Variants in EIF2AK2 observed in about 807,000 individuals in gnomAD.
EIF2AK2 encodes the protein eukaryotic translation initiation factor 2 alpha kinase 2, also known as interferon-induced, double-stranded RNA-activated protein kinase.
Under a neutral mutation model 70.5 loss-of-function variants are expected in EIF2AK2, and 40 were observed. That is an observed-to-expected ratio of 0.57 (90% CI 0.44 to 0.74). The LOEUF is 0.74. EIF2AK2 is among the 30% of genes least tolerant of loss of function. EIF2AK2 has a pLI of 0.00. For missense variants in EIF2AK2, 555 were observed against 644.3 expected, an observed-to-expected ratio of 0.86 and a Z score of 1.50; for synonymous variants, 198 against 220.9, an observed-to-expected ratio of 0.90 and a Z score of 0.92.
At chr2:37,147,611 G>C (rs549712074) in intron 3 of EIF2AK2, 77 bp downstream of exon 3, 1 of 953,058 alleles carries the variant, frequency 1.0e-6, no homozygotes, top group South Asian at 1.4e-5. Context: ...ATGGTTTCCA[G>C]CTTCATCCAT....
At position 37,114,845 on chromosome 2, in the gene EIF2AK2, G is replaced by A. The variant is rs374584159; in HGVS notation, c.1263C>T (p.Phe421=). 2 of 1,569,594 alleles carry A rather than the reference G, an allele frequency of 1.3e-6. No individual in the cohort carries two copies. The highest frequency in any genetic ancestry group is 1.2e-5 in the South Asian group (1 of 83,728). The change falls in exon 14 of 17, where the codon TTC becomes TTT. Residue 421 remains phenylalanine (F), a synonymous_variant. Transcript: ENST00000233057. ...IHRDLKPSNI[F]LVDTKQVKIG... is the part of the protein sequence containing the mutation. ...TCTTTACTTGTTTTGTATCTACTAA[G>A]AATATATTACTTGGCTATGAAAAAA...
At chr2:37,110,714 C>T (rs749305678) in intron 14 of EIF2AK2, among the ~76,000 whole-genome samples, 6 of 152,078 alleles carry the variant, frequency 3.9e-5, no homozygotes, top group Admixed American at 1.3e-4. Flanking sequence ...TAATCTTTAA[C>T]GGGCATTTAC....
intron 1 of EIF2AK2, among the ~76,000 whole-genome samples, chr2:37,150,051 A>G (rs1675689189): frequency 6.6e-6 from 1 of 152,124 alleles, no homozygotes; most frequent in Non-Finnish European, 1.5e-5. Context: ...CCTGCTGTGC[A>G]TTCATAGGAG....
chr2:37,129,398 C>T (rs1674863358), intron 10 of EIF2AK2, among the ~76,000 whole-genome samples: 1 of 151,984 alleles, frequency 6.6e-6, no homozygotes, highest in Non-Finnish European at 1.5e-5. Flanking sequence ...GATGGAATGC[C>T]CTCAACAGGG....
At chr2:37,113,394 C>T (rs1337694249) in intron 14 of EIF2AK2, among the ~76,000 whole-genome samples, 1 of 149,498 alleles carries the variant, frequency 6.7e-6, no homozygotes, top group Non-Finnish European at 1.5e-5. Context: ...ACTTGGGAGA[C>T]TGAGGCAGGA....
chr2:37,118,586 T>C (rs968989267), intron 13 of EIF2AK2, among the ~76,000 whole-genome samples: 2 of 152,234 alleles, frequency 1.3e-5, no homozygotes, highest in African/African-American at 4.8e-5. Context: ...ATTTGTTATT[T>C]AACTATATGT....
chr2:37,126,439 G>A, intron 10 of EIF2AK2, 28 bp from the exon 11 acceptor site: 1 of 1,594,318 alleles, frequency 6.3e-7, no homozygotes, highest in Non-Finnish European at 8.5e-7. Context: ...CTGTTATTTT[G>A]ACATTTCATG....
chr2:37,146,148 G>GTATTCAGTACAATAATATGCTGTA (rs1379983513), intron 4 of EIF2AK2, among the ~76,000 whole-genome samples: 2 of 152,098 alleles, frequency 1.3e-5, no homozygotes, highest in Non-Finnish European at 2.9e-5. Flanking sequence ...ATTGGCTACA[G>GTATTCAGTACAATAATATGCTGTA]TATTCAGTAC....
chr2:37,152,757 C>G (rs1197099617), intron 1 of EIF2AK2, among the ~76,000 whole-genome samples: 2 of 152,216 alleles, frequency 1.3e-5, no homozygotes, highest in South Asian at 2.1e-4. Context: ...ATGAACCGCT[C>G]TGAGTTTCAG....
chr2:37,138,205 T>C, intron 8 of EIF2AK2, 65 bp downstream of exon 8: 10 of 1,294,800 alleles, frequency 7.7e-6, no homozygotes, highest in Non-Finnish European at 1.1e-5. Context: ...CTGGAAGTTA[T>C]TTTTAAATGA....
intron 13 of EIF2AK2, 64 bp from the exon 14 acceptor site, chr2:37,114,923 T>C (rs1175927753): frequency 8.7e-7 from 1 of 1,147,098 alleles, no homozygotes; most frequent in Non-Finnish European, 1.2e-6. Context: ...CATGTCTTAA[T>C]TATATACAGA....
rs148761087 is a variant in EIF2AK2 at position 37,119,574 on chromosome 2, T to G, written c.1248+385A>C. 2.8e-3 allele frequency among the ~76,000 whole-genome samples: 422 copies of G among 151,438 alleles called. 2 individuals are homozygous for G. Among genetic ancestry groups the G allele is most frequent in the African/African-American group, 9.8e-3 (405 of 41,392 alleles). On this transcript the variant is annotated intron_variant, in intron 13 of 16. Transcript: ENST00000233057. ...AACTAGAGAAAAAAATATATATCTATCTATCTTATTTTATATATATATATA... is the reference window on the plus strand; with the variant it reads ...AACTAGAGAAAAAAATATATATCTAGCTATCTTATTTTATATATATATATA...
chr2:37,147,095 G>C, intron 3 of EIF2AK2, 122 bp from the exon 4 acceptor site: 3 of 876,704 alleles, frequency 3.4e-6, no homozygotes. Flanking sequence ...ATTCAATATA[G>C]CATTTAAGCA....
At chr2:37,114,118 GTAAA>G (rs987717517) in intron 14 of EIF2AK2, among the ~76,000 whole-genome samples, 1 of 151,906 alleles carries the variant, frequency 6.6e-6, no homozygotes, top group Non-Finnish European at 1.5e-5. Flanking sequence ...CAATAAATAA[GTAAA>G]TAAATAATTA....
chr2:37,139,843 A>G (rs1675267724), intron 5 of EIF2AK2, 86 bp from the exon 6 acceptor site: 2 of 1,323,646 alleles, frequency 1.5e-6, no homozygotes, highest in East Asian at 4.7e-5. Context: ...ACATATTAAC[A>G]GAGATCTTAA....
chr2:37,120,507 A>C (rs1461850657), intron 12 of EIF2AK2, among the ~76,000 whole-genome samples: 3 of 13,488 alleles, frequency 2.2e-4, no homozygotes, highest in African/African-American at 3.0e-4. Context: ...ATTCCGTCTC[A>C]CAAAAAAAAA....
At chr2:37,151,812 C>G (rs1331390503) in intron 1 of EIF2AK2, among the ~76,000 whole-genome samples, 1 of 152,254 alleles carries the variant, frequency 6.6e-6, no homozygotes, top group Non-Finnish European at 1.5e-5. Flanking sequence ...GGCGCCGTGG[C>G]TCATGCCTGT....
intron 3 of EIF2AK2, among the ~76,000 whole-genome samples, chr2:37,147,302 T>C: frequency 6.6e-6 from 1 of 151,040 alleles, no homozygotes; most frequent in East Asian, 1.9e-4. Context: ...GTCATATCTT[T>C]TTTCTTTTTT....
chr2:37,133,017 G>T (rs1675002096), intron 10 of EIF2AK2, among the ~76,000 whole-genome samples: 1 of 152,092 alleles, frequency 6.6e-6, no homozygotes, highest in Non-Finnish European at 1.5e-5. Flanking sequence ...ATCTGATAAT[G>T]GTCCTGAATT....
Sources: gnomAD v4.1 joint callset for allele counts (sites outside exome capture counted in the v4.1 genomes callset) on GRCh38, gnomAD v4.1.1 for gene constraint, MANE v1.5 for transcripts, NCBI Gene and HGNC (gene_info 2026-07-23, HGNC 2026-07-21) for gene names.